Variants in FGF12 observed in about 807,000 individuals in gnomAD.
The protein encoded by FGF12 is fibroblast growth factor 12.
FGF12 carries 14 observed loss-of-function variants against 23.6 expected under a neutral mutation model. The observed-to-expected ratio is 0.59, with a 90% CI of 0.39 to 0.93. The LOEUF (loss-of-function observed/expected upper bound fraction) is 0.93. FGF12 is among the 40% of genes least tolerant of loss of function. The pLI, the probability that FGF12 is intolerant of heterozygous loss-of-function variation, is 0.00. For synonymous variants in FGF12, 62 were observed against 77.3 expected (o/e 0.80, Z 1.04); for missense variants, 175 against 217.8 (o/e 0.80, Z 1.24).
chr3:192,472,716 T>A (rs1723208181), intron 2 of FGF12, among the ~76,000 whole-genome samples: 1 of 152,284 alleles, frequency 6.6e-6, no homozygotes, highest in Non-Finnish European at 1.5e-5. Flanking sequence ...TCTCATTTTC[T>A]CTAATTCTCT....
chr3:192,207,225 GT>G (rs1270118676), intron 4 of FGF12, among the ~76,000 whole-genome samples: 1 of 152,148 alleles, frequency 6.6e-6, no homozygotes, highest in Non-Finnish European at 1.5e-5. Context: ...AGAGCATATA[GT>G]TTCTGGGATT....
At chr3:192,202,991 A>AAC (rs1717448995) in intron 4 of FGF12, among the ~76,000 whole-genome samples, 2 of 152,234 alleles carry the variant, frequency 1.3e-5, no homozygotes, top group Admixed American at 6.5e-5. Flanking sequence ...GCTTGATGGT[A>AAC]AAAATACAAT....
At chr3:192,367,064 G>A (rs555670440) in intron 2 of FGF12, among the ~76,000 whole-genome samples, 7 of 152,310 alleles carry the variant, frequency 4.6e-5, no homozygotes, top group East Asian at 1.9e-4. Context: ...GGACGTGGAC[G>A]TCTCCAAAGG....
chr3:192,369,339 G>C (rs572183239), intron 2 of FGF12, among the ~76,000 whole-genome samples: 9 of 152,208 alleles, frequency 5.9e-5, no homozygotes, highest in African/African-American at 2.2e-4. Context: ...ATTTTGTCCT[G>C]CACACTGAAC....
At chr3:192,541,391 CAAAG>C (rs930193894) in intron 2 of FGF12, among the ~76,000 whole-genome samples, 1 of 152,120 alleles carries the variant, frequency 6.6e-6, no homozygotes, top group Non-Finnish European at 1.5e-5. Context: ...ATTGCATAAA[CAAAG>C]AGAAAACTAA....
chr3:192,350,272 A>G (rs1718159077), intron 3 of FGF12, among the ~76,000 whole-genome samples: 2 of 152,304 alleles, frequency 1.3e-5, no homozygotes, highest in South Asian at 4.1e-4. Flanking sequence ...CAGTTAAATC[A>G]GAAACAGGCT....
intron 2 of FGF12, among the ~76,000 whole-genome samples, chr3:192,582,219 A>G (rs1577065140): frequency 6.6e-6 from 1 of 152,338 alleles, no homozygotes; most frequent in African/African-American, 2.4e-5. Flanking sequence ...GAATCTCTAT[A>G]AAGTTATTTT....
At chr3:192,591,885 C>T (rs1387069821) in intron 2 of FGF12, among the ~76,000 whole-genome samples, 1 of 151,640 alleles carries the variant, frequency 6.6e-6, no homozygotes. Context: ...ATTATTCCTA[C>T]CACAAATAAA....
intron 5 of FGF12, among the ~76,000 whole-genome samples, chr3:192,158,583 TTTC>T (rs1208776943): frequency 3.2e-5 from 4 of 126,936 alleles, no homozygotes; most frequent in African/African-American, 6.0e-5. Flanking sequence ...TCTTTCTTTC[TTTC>T]TTCTCGTCTT....
intron 4 of FGF12, among the ~76,000 whole-genome samples, chr3:192,321,512 C>T (rs563953905): frequency 7.6e-6 from 1 of 132,242 alleles, no homozygotes; most frequent in Admixed American, 7.5e-5. Flanking sequence ...AAAAAAAAAA[C>T]CACACAAAAA....
At chr3:192,234,142 T>G (rs371894774) in intron 4 of FGF12, among the ~76,000 whole-genome samples, 1 of 152,308 alleles carries the variant, frequency 6.6e-6, no homozygotes, top group East Asian at 1.9e-4. Context: ...TAAATTACTT[T>G]GGGAAGTATG....
chr3:192,638,094 G>T (rs186724654), intron 2 of FGF12, among the ~76,000 whole-genome samples: 9 of 152,270 alleles, frequency 5.9e-5, no homozygotes, highest in Admixed American at 5.9e-4. Flanking sequence ...AAAGCTATGT[G>T]TGTGTGTGTT....
At chr3:192,424,279 T>C (rs1721625645) in intron 2 of FGF12, among the ~76,000 whole-genome samples, 1 of 152,162 alleles carries the variant, frequency 6.6e-6, no homozygotes, top group African/African-American at 2.4e-5. Flanking sequence ...TAATTCTTTT[T>C]GTAACCATAG....
At chr3:192,291,063 T>C (rs954982857) in intron 4 of FGF12, among the ~76,000 whole-genome samples, 3 of 152,168 alleles carry the variant, frequency 2.0e-5, no homozygotes, top group South Asian at 2.1e-4. Context: ...TTAAATAACA[T>C]TAAATTACCA....
intron 3 of FGF12, among the ~76,000 whole-genome samples, chr3:192,342,482 T>A (rs1327466425): frequency 6.6e-6 from 1 of 152,010 alleles, no homozygotes; most frequent in South Asian, 2.1e-4. Flanking sequence ...ATATTAAACA[T>A]CTTGTCAGCA....
chr3:192,159,085 C>T (rs1040393212), intron 5 of FGF12, among the ~76,000 whole-genome samples: 2 of 152,122 alleles, frequency 1.3e-5, no homozygotes. Flanking sequence ...CTCACCAGCT[C>T]CCTCCTCATT....
At chr3:192,540,285 C>T (rs1436437222) in intron 2 of FGF12, among the ~76,000 whole-genome samples, 5 of 151,974 alleles carry the variant, frequency 3.3e-5, no homozygotes, top group African/African-American at 1.2e-4. Context: ...TAGCTATAAG[C>T]TTTTCTCTTA....
intron 4 of FGF12, among the ~76,000 whole-genome samples, chr3:192,259,541 T>C (rs1427421321): frequency 1.3e-5 from 2 of 152,140 alleles, no homozygotes; most frequent in African/African-American, 2.4e-5. Context: ...GTCTCTGACA[T>C]GCCATGTATA....
intron 4 of FGF12, among the ~76,000 whole-genome samples, chr3:192,293,755 C>G (rs1714885968): frequency 6.6e-6 from 1 of 152,152 alleles, no homozygotes; most frequent in Non-Finnish European, 1.5e-5. Flanking sequence ...AGGGTTGTTT[C>G]TCCTAGTTCT....
Sources: allele counts gnomAD v4.1 joint callset (sites outside exome capture counted in the v4.1 genomes callset), GRCh38; gene constraint gnomAD v4.1.1; transcripts MANE v1.5; gene names NCBI Gene and HGNC (gene_info 2026-07-23, HGNC 2026-07-21).